Variants in KIF27 observed in about 807,000 individuals in gnomAD.
The protein encoded by KIF27 is kinesin family member 27, also known as kinesin-like protein KIF27.
Under a neutral mutation model 141.8 loss-of-function variants are expected in KIF27, and 84 were observed. The observed-to-expected ratio is 0.59, with a 90% CI of 0.50 to 0.71. The LOEUF (loss-of-function observed/expected upper bound fraction) is 0.71, where lower values mean the gene tolerates loss of function less well. KIF27 is among the 30% of genes least tolerant of loss of function. KIF27 has a pLI of 0.00. For missense variants in KIF27, 1,306 were observed against 1,628.4 expected, an observed-to-expected ratio of 0.80 and a Z score of 3.41; for synonymous variants, 471 against 569.5, an observed-to-expected ratio of 0.83 and a Z score of 2.46.
chr9:83,873,569 A>ATTTT (rs1950968227), intron 11 of KIF27, among the ~76,000 whole-genome samples: 2 of 152,196 alleles, frequency 1.3e-5, no homozygotes, highest in Admixed American at 1.3e-4. Context: ...TGTTACACCC[A>ATTTT]TCTGAGTTAT....
At chr9:83,850,351 T>C (rs1948403367) in intron 15 of KIF27, 54 bp from the exon 16 acceptor site, 1 of 1,091,296 alleles carries the variant, frequency 9.2e-7, no homozygotes, top group African/African-American at 1.6e-5. Context: ...GCTAATATAA[T>C]AATCTACTTT....
chr9:83,921,076 C>T (rs1956224766), intron 1 of KIF27, among the ~76,000 whole-genome samples: 1 of 152,158 alleles, frequency 6.6e-6, no homozygotes, highest in African/African-American at 2.4e-5. Flanking sequence ...CCCCGGGACC[C>T]GCTCCTCAGG....
intron 15 of KIF27, among the ~76,000 whole-genome samples, chr9:83,851,892 G>A (rs915740763): frequency 6.6e-6 from 1 of 152,124 alleles, no homozygotes; most frequent in South Asian, 2.1e-4. Context: ...CACTTTGGGA[G>A]GCCGAGGCGG....
intron 13 of KIF27, among the ~76,000 whole-genome samples, chr9:83,864,048 C>T (rs1473033335): frequency 1.3e-5 from 2 of 152,000 alleles, no homozygotes; most frequent in African/African-American, 2.4e-5. Flanking sequence ...TTTATTGCGT[C>T]TATTTGATTC....
chr9:83,904,088 T>C (rs1954233575), intron 3 of KIF27, 70 bp from the exon 4 acceptor site: 1 of 1,221,840 alleles, frequency 8.2e-7, no homozygotes, highest in East Asian at 2.3e-5. Context: ...CAGTTACCAT[T>C]TGCTAAACAG....
At chr9:83,898,363 G>A (rs1953479976) in intron 5 of KIF27, among the ~76,000 whole-genome samples, 1 of 152,154 alleles carries the variant, frequency 6.6e-6, no homozygotes, top group Non-Finnish European at 1.5e-5. Flanking sequence ...TACTGAATAA[G>A]CTATACTGAA....
At chr9:83,907,142 T>C (rs1243463788) in intron 3 of KIF27, among the ~76,000 whole-genome samples, 1 of 151,406 alleles carries the variant, frequency 6.6e-6, no homozygotes, top group Non-Finnish European at 1.5e-5. Context: ...TACAAAAAAT[T>C]AGCTGGACAT....
chr9:83,909,507 G>A (rs1436586197), intron 2 of KIF27, among the ~76,000 whole-genome samples: 1 of 151,908 alleles, frequency 6.6e-6, no homozygotes, highest in Non-Finnish European at 1.5e-5. Flanking sequence ...CCAAATATTT[G>A]GGTGGCTAAG....
At chr9:83,838,975 T>A (rs1010909218) in intron 17 of KIF27, among the ~76,000 whole-genome samples, 1 of 152,130 alleles carries the variant, frequency 6.6e-6, no homozygotes, top group African/African-American at 2.4e-5. Flanking sequence ...CTGCAGTACA[T>A]CAGAGTCACT....
At chr9:83,846,387 C>CA (rs1421931509) in intron 16 of KIF27, among the ~76,000 whole-genome samples, 1 of 152,164 alleles carries the variant, frequency 6.6e-6, no homozygotes, top group East Asian at 1.9e-4. Flanking sequence ...CACCTCTGAC[C>CA]AAGTTACTCA....
intron 13 of KIF27, among the ~76,000 whole-genome samples, chr9:83,862,748 C>G (rs960336560): frequency 6.6e-6 from 1 of 152,128 alleles, no homozygotes; most frequent in African/African-American, 2.4e-5. Context: ...GGCATTGAAT[C>G]TATAAATTAC....
intron 13 of KIF27, among the ~76,000 whole-genome samples, chr9:83,867,011 C>T (rs1950419226): frequency 6.6e-6 from 1 of 150,488 alleles, no homozygotes; most frequent in Non-Finnish European, 1.5e-5. Flanking sequence ...CCCGCAATCC[C>T]CCACCAACCC....
chr9:83,911,841 T>A (rs955419687), intron 2 of KIF27, among the ~76,000 whole-genome samples: 1 of 152,150 alleles, frequency 6.6e-6, no homozygotes, highest in Non-Finnish European at 1.5e-5. Context: ...TCCACTTACA[T>A]GAAATACCTA....
intron 16 of KIF27, among the ~76,000 whole-genome samples, chr9:83,848,349 CTA>C (rs1236492369): frequency 2.5e-4 from 32 of 128,488 alleles, no homozygotes; most frequent in African/African-American, 3.9e-4. Flanking sequence ...ATCTATGTAT[CTA>C]TATATATCTA....
chr9:83,894,844 A>G (rs1316390101), intron 5 of KIF27, among the ~76,000 whole-genome samples: 1 of 152,216 alleles, frequency 6.6e-6, no homozygotes, highest in Non-Finnish European at 1.5e-5. Flanking sequence ...GAGTTCTCAT[A>G]GTACATCATC....
At chr9:83,893,085 G>A (rs1952835141) in intron 5 of KIF27, among the ~76,000 whole-genome samples, 1 of 152,028 alleles carries the variant, frequency 6.6e-6, no homozygotes, top group Non-Finnish European at 1.5e-5. Flanking sequence ...AAAAATACAA[G>A]AATTAGCAGG....
rs541251498 is a variant in KIF27, at chr9:83,846,427, C to G, written c.3556+3672G>C. ...ATGGCTAAAGAAGTGTGGCAGTGGG[C>G]TCATGCTCATGGGATTCACTGGTCA... On this transcript the variant is annotated intron_variant, in intron 16 of 17. Coordinates refer to ENST00000297814, the MANE Select transcript of KIF27 (RefSeq NM_017576.4). Among the ~76,000 whole-genome samples the G allele has an allele frequency of 1.8e-3, 269 of 152,288 alleles. 1 individual carries two copies. The highest frequency in any genetic ancestry group is 6.3e-3 in the African/African-American group (262 of 41,548).
intron 11 of KIF27, among the ~76,000 whole-genome samples, chr9:83,876,234 C>T (rs1436837865): frequency 6.6e-6 from 1 of 152,070 alleles, no homozygotes; most frequent in Non-Finnish European, 1.5e-5. Flanking sequence ...GTATAGAATA[C>T]TTTTCCATAG....
At position 83,915,564 on chromosome 9, in the gene KIF27, C is replaced by T. The variant is rs748128352; in HGVS notation, c.28G>A (p.Val10Ile). The T allele has an allele frequency of 9.3e-6, 15 of 1,606,430 alleles. No individual in the cohort carries two copies. Among genetic ancestry groups the T allele is most frequent in the East Asian group, 2.2e-5 (1 of 44,764 alleles). ...TTGCAAAGCAGAGGTCTAATTCTTA[C>T]AGCAACTTTTACTGGTATTTCTTCC... MEEIPVKVA[V>I]RIRPLLCKEA... The change falls in exon 2 of 18, where the codon GTA (valine) becomes ATA (isoleucine). Residue 10 changes from valine to isoleucine, a missense_variant. By Grantham distance (29) the Val-to-Ile change is conservative. This residue lies in a region of KIF27 where 533 missense variants were observed against 565.6 expected (regional missense o/e 0.94). Coordinates refer to ENST00000297814, the MANE Select transcript of KIF27 (RefSeq NM_017576.4).
Sources: gnomAD v4.1 joint callset for allele counts (sites outside exome capture counted in the v4.1 genomes callset) on GRCh38, gnomAD v4.1.1 for gene constraint, gnomAD v4.1.1 regional missense constraint, MANE v1.5 for transcripts, NCBI Gene and HGNC (gene_info 2026-07-23, HGNC 2026-07-21) for gene names.